Variants in MIPOL1 observed in about 807,000 individuals in gnomAD.
MIPOL1 encodes the protein mirror-image polydactyly 1.
A neutral mutation model predicts 60.9 loss-of-function variants in MIPOL1; 57 were observed. The observed-to-expected ratio is 0.94, with a 90% confidence interval of 0.76 to 1.17. MIPOL1 has a LOEUF of 1.17. Ranked by LOEUF, MIPOL1 falls within the 50% of genes most tolerant of loss-of-function variation. The probability of loss-of-function intolerance (pLI) is 0.00; values close to 1 mark genes in which losing one functional copy is unlikely to be tolerated. For missense variants in MIPOL1, 551 were observed against 511.6 expected (o/e 1.08, Z -0.74); for synonymous variants, 179 against 168.8 (o/e 1.06, Z -0.47).
chr14:37,244,661 A>G (rs560302249), intron 1 of MIPOL1, among the ~76,000 whole-genome samples: 1 of 151,012 alleles, frequency 6.6e-6, no homozygotes, highest in Admixed American at 6.6e-5. Context: ...CGTAATCTTT[A>G]TATGTTTTGT....
intron 7 of MIPOL1, among the ~76,000 whole-genome samples, chr14:37,289,926 T>A (rs2084913168): frequency 6.6e-6 from 1 of 152,080 alleles, no homozygotes; most frequent in African/African-American, 2.4e-5. Context: ...AGATTCCCTG[T>A]AGGTGAGGAA....
chr14:37,401,496 G>C (rs1051418328), intron 10 of MIPOL1: 1 of 151,954 alleles, frequency 6.6e-6, no homozygotes, highest in African/African-American at 2.4e-5. Flanking sequence ...AAAAGAAAGA[G>C]CATCACAGCA....
chr14:37,343,204 A>C (rs940395398), intron 9 of MIPOL1, among the ~76,000 whole-genome samples: 1 of 151,990 alleles, frequency 6.6e-6, no homozygotes, highest in Non-Finnish European at 1.5e-5. Flanking sequence ...TGGTATTTGT[A>C]AACCTCTTAT....
intron 10 of MIPOL1, among the ~76,000 whole-genome samples, chr14:37,416,884 C>T (rs2093780432): frequency 6.6e-6 from 1 of 152,164 alleles, no homozygotes; most frequent in South Asian, 2.1e-4. Context: ...TCTTCTGCTT[C>T]TTCATCTGCT....
chr14:37,340,340 G>C (rs1003137721), intron 9 of MIPOL1, among the ~76,000 whole-genome samples: 1 of 152,094 alleles, frequency 6.6e-6, no homozygotes, highest in Admixed American at 6.6e-5. Context: ...TTGTACATTT[G>C]TACAATGTGT....
intron 11 of MIPOL1, among the ~76,000 whole-genome samples, chr14:37,452,505 A>G (rs2094434419): frequency 6.6e-6 from 1 of 152,156 alleles, no homozygotes; most frequent in South Asian, 2.1e-4. Context: ...GGTCATGAGA[A>G]GTTCATTTGT....
intron 11 of MIPOL1, among the ~76,000 whole-genome samples, chr14:37,437,662 T>C (rs922530136): frequency 2.6e-5 from 4 of 152,156 alleles, no homozygotes; most frequent in Non-Finnish European, 5.9e-5. Flanking sequence ...GTTCTGCCTT[T>C]CCAGCTGAGT....
intron 11 of MIPOL1, among the ~76,000 whole-genome samples, chr14:37,478,020 A>T (rs1162576321): frequency 1.3e-5 from 2 of 152,244 alleles, no homozygotes; most frequent in Non-Finnish European, 1.5e-5. Context: ...GTTTATGTTT[A>T]TCTGTAGCTC....
chr14:37,288,549 A>G (rs1361446089), intron 7 of MIPOL1, among the ~76,000 whole-genome samples: 1 of 152,086 alleles, frequency 6.6e-6, no homozygotes, highest in Non-Finnish European at 1.5e-5. Flanking sequence ...CACACCTGTA[A>G]TCTCAACACT....
chr14:37,404,709 A>G (rs572291685), intron 10 of MIPOL1, among the ~76,000 whole-genome samples: 9 of 152,296 alleles, frequency 5.9e-5, no homozygotes, highest in African/African-American at 2.2e-4. Context: ...AAGTTACAGA[A>G]AGAGAAGGAT....
intron 12 of MIPOL1, among the ~76,000 whole-genome samples, chr14:37,512,341 CA>C (rs1351425836): frequency 2.0e-5 from 3 of 152,086 alleles, no homozygotes; most frequent in Non-Finnish European, 2.9e-5. Flanking sequence ...TAGTGTCACA[CA>C]AGGGTTCTTA....
chr14:37,381,902 T>A (rs2092935537), intron 10 of MIPOL1, among the ~76,000 whole-genome samples: 1 of 152,148 alleles, frequency 6.6e-6, no homozygotes, highest in African/African-American at 2.4e-5. Flanking sequence ...AATTAGAATA[T>A]CTTACTCTGA....
chr14:37,481,560 AACACACACACACACACAC>A (rs3062719), intron 11 of MIPOL1, among the ~76,000 whole-genome samples: 41 of 113,196 alleles, frequency 3.6e-4, no homozygotes, highest in African/African-American at 5.8e-4. Context: ...GACCCCCCCC[AACACACACACACACACAC>A]ACACACACAC....
intron 12 of MIPOL1, among the ~76,000 whole-genome samples, chr14:37,546,532 AT>A (rs1453148542): frequency 6.6e-6 from 1 of 152,204 alleles, no homozygotes; most frequent in Non-Finnish European, 1.5e-5. Flanking sequence ...GTTTTGAAAT[AT>A]GTGCTTTTCT....
chr14:37,467,506 A>G (rs1396604616), intron 11 of MIPOL1, among the ~76,000 whole-genome samples: 1 of 152,194 alleles, frequency 6.6e-6, no homozygotes, highest in Admixed American at 6.5e-5. Flanking sequence ...TGTGGCAATT[A>G]TAATAAGTTG....
rs538838854 is a variant in MIPOL1 at position 37,442,701 on chromosome 14, A to T, written c.1031+19752A>T. On this transcript the variant is annotated intron_variant, in intron 11 of 12. Transcript: ENST00000684589. ...AATTTAAAAAATTGTTACTGAAGGT[A>T]CCATAAAAAAAAGAAGAAAATAACC... 1.1e-4 allele frequency among the ~76,000 whole-genome samples: 17 copies of T among 151,820 alleles called. No homozygotes were observed. In the South Asian group the frequency reaches 3.1e-3, roughly 28 times the overall value.
intron 12 of MIPOL1, among the ~76,000 whole-genome samples, chr14:37,525,373 A>G (rs1042599791): frequency 3.9e-5 from 6 of 152,214 alleles, no homozygotes; most frequent in African/African-American, 1.4e-4. Flanking sequence ...TATCATTGTG[A>G]AAACCATATA....
At chr14:37,248,644 C>G (rs187868839) in intron 3 of MIPOL1, among the ~76,000 whole-genome samples, 1 of 151,462 alleles carries the variant, frequency 6.6e-6, no homozygotes, top group Non-Finnish European at 1.5e-5. Flanking sequence ...ATATATATAT[C>G]TCTCTCTCTC....
chr14:37,418,206 C>G (rs867456789), intron 10 of MIPOL1, among the ~76,000 whole-genome samples: 2 of 152,100 alleles, frequency 1.3e-5, no homozygotes, highest in Non-Finnish European at 2.9e-5. Context: ...CCAAACATAA[C>G]AAGATCTCAA....
Sources: gnomAD v4.1 joint callset for allele counts (sites outside exome capture counted in the v4.1 genomes callset) on GRCh38, gnomAD v4.1.1 for gene constraint, MANE v1.5 for transcripts, NCBI Gene and HGNC (gene_info 2026-07-23, HGNC 2026-07-21) for gene names.